Variants in ATG7 observed in about 807,000 individuals in gnomAD.
ATG7 encodes ubiquitin-like modifier-activating enzyme ATG7.
In ATG7, 70 loss-of-function variants were observed where a neutral mutation model predicts 82.4. The observed-to-expected ratio is 0.85, with a 90% CI of 0.70 to 1.04. The LOEUF (loss-of-function observed/expected upper bound fraction) is 1.04, where lower values mean the gene tolerates loss of function less well. ATG7 is among the 50% of genes least tolerant of loss of function. The probability of loss-of-function intolerance (pLI) is 0.00; values close to 1 mark genes in which losing one functional copy is unlikely to be tolerated. For synonymous variants in ATG7, 287 were observed against 313.0 expected, an observed-to-expected ratio of 0.92 and a Z score of 0.88; for missense variants, 792 against 864.3, an observed-to-expected ratio of 0.92 and a Z score of 1.05.
chr3:11,394,525 A>G (rs1344958715), intron 19 of ATG7, among the ~76,000 whole-genome samples: 1 of 152,166 alleles, frequency 6.6e-6, no homozygotes, highest in Non-Finnish European at 1.5e-5. Flanking sequence ...GGAAGTTGAG[A>G]GCGTGAGCCA....
At chr3:11,505,362 T>A (rs2091638853) in intron 20 of ATG7, among the ~76,000 whole-genome samples, 1 of 152,218 alleles carries the variant, frequency 6.6e-6, no homozygotes, top group Admixed American at 6.5e-5. Context: ...TAGGATATAG[T>A]CACACTTAAG....
chr3:11,519,725 A>G (rs1245440146), intron 20 of ATG7, among the ~76,000 whole-genome samples: 1 of 151,184 alleles, frequency 6.6e-6, no homozygotes, highest in East Asian at 1.9e-4. Context: ...GCGCCCGGCT[A>G]ATTTTTTTTG....
chr3:11,439,130 G>A (rs1457438089), intron 20 of ATG7, among the ~76,000 whole-genome samples: 5 of 141,236 alleles, frequency 3.5e-5, no homozygotes, highest in Admixed American at 2.2e-4. Flanking sequence ...ATGCAGTGGC[G>A]TGATCTTGGC....
chr3:11,402,444 T>C (rs941691681), intron 19 of ATG7, among the ~76,000 whole-genome samples: 1 of 151,424 alleles, frequency 6.6e-6, no homozygotes, highest in Non-Finnish European at 1.5e-5. Flanking sequence ...AAAAATAAAT[T>C]AAAAAAAGAA....
At chr3:11,411,120 G>A (rs771753539) in intron 19 of ATG7, among the ~76,000 whole-genome samples, 34 of 151,650 alleles carry the variant, frequency 2.2e-4, no homozygotes, top group East Asian at 3.9e-4. Context: ...TTTCTTTTTC[G>A]TTGTAAAATA....
intron 14 of ATG7, among the ~76,000 whole-genome samples, chr3:11,350,966 CG>C (rs1219962930): frequency 7.2e-6 from 1 of 137,952 alleles, no homozygotes; most frequent in African/African-American, 2.7e-5. Context: ...TCCAATCTAT[CG>C]TTGGAGAGTA....
In ATG7 at chr3:11,502,870, G is replaced by A. The variant is rs140177868; in HGVS notation, c.2080-51941G>A. ...CCCCCACCTTAGCTTTTGTGCAATA[G>A]GACAGACAACTGCCCTCTCTTATTC... On this transcript the variant is annotated intron_variant, in intron 20 of 20. Transcript: ENST00000693202. Among the ~76,000 whole-genome samples, 5 of 152,256 alleles carry A rather than the reference G, an allele frequency of 3.3e-5. No individual in the cohort carries two copies. The East Asian group carries it at 9.6e-4, about 29-fold the overall frequency.
chr3:11,527,766 C>A (rs1305066708), intron 20 of ATG7, among the ~76,000 whole-genome samples: 1 of 152,200 alleles, frequency 6.6e-6, no homozygotes, highest in Non-Finnish European at 1.5e-5. Context: ...GAGTAACACT[C>A]TTAGTTTTAA....
At chr3:11,304,287 G>A (rs1947349056) in intron 5 of ATG7, among the ~76,000 whole-genome samples, 1 of 152,178 alleles carries the variant, frequency 6.6e-6, no homozygotes, top group Admixed American at 6.5e-5. Flanking sequence ...GATCTGGGGT[G>A]TACTATTTGC....
At chr3:11,295,772 TTTTCTTTCTTTC>T (rs869163790) in intron 3 of ATG7, among the ~76,000 whole-genome samples, 4 of 39,198 alleles carry the variant, frequency 1.0e-4, no homozygotes, top group Non-Finnish European at 4.0e-4. Flanking sequence ...TCTTTCTTTC[TTTTCTTTCTTTC>T]TTTCTTTTTT....
intron 9 of ATG7, among the ~76,000 whole-genome samples, chr3:11,316,543 T>A (rs1344507964): frequency 6.6e-6 from 1 of 152,238 alleles, no homozygotes; most frequent in African/African-American, 2.4e-5. Context: ...CTGAAGTCAC[T>A]GCATTTATTC....
At chr3:11,541,121 C>T (rs946248772) in intron 20 of ATG7, among the ~76,000 whole-genome samples, 19 of 152,206 alleles carry the variant, frequency 1.2e-4, no homozygotes, top group Admixed American at 5.9e-4. Flanking sequence ...AGGATGGTCT[C>T]GATCTCCTGA....
At chr3:11,474,969 G>C (rs1428829826) in intron 20 of ATG7, among the ~76,000 whole-genome samples, 2 of 152,124 alleles carry the variant, frequency 1.3e-5, no homozygotes, top group African/African-American at 4.8e-5. Context: ...ACGGGCTCTT[G>C]CAGGCTGTGA....
intron 20 of ATG7, among the ~76,000 whole-genome samples, chr3:11,551,243 G>A (rs2125061705): frequency 6.6e-6 from 1 of 152,332 alleles, no homozygotes; most frequent in South Asian, 2.1e-4. Context: ...CTCGGCCCAT[G>A]GTGGGGGCTT....
the ATG7 span, chr3:11,564,984 G>A: frequency 6.5e-7 from 1 of 1,527,318 alleles, no homozygotes; most frequent in Non-Finnish European, 8.8e-7. Context: ...CCGCTCCCGG[G>A]GGTCTCTGCG....
At chr3:11,344,687 C>T (rs1003509573) in intron 13 of ATG7, among the ~76,000 whole-genome samples, 1 of 151,714 alleles carries the variant, frequency 6.6e-6, no homozygotes, top group Non-Finnish European at 1.5e-5. Context: ...CACAACGTGG[C>T]GAAACTCCAT....
At chr3:11,574,805 G>GTGTGTGTA in the ATG7 span, among the ~76,000 whole-genome samples, 2 of 148,708 alleles carry the variant, frequency 1.3e-5, no homozygotes, top group African/African-American at 2.5e-5. Flanking sequence ...GTGTGTGTGT[G>GTGTGTGTA]TGTGTGTGTG....
chr3:11,278,010 G>T (rs1432881609), intron 1 of ATG7, among the ~76,000 whole-genome samples: 3 of 150,208 alleles, frequency 2.0e-5, no homozygotes, highest in Non-Finnish European at 4.4e-5. Context: ...TAGGCTCTCT[G>T]CAAGAACAAA....
intron 20 of ATG7, among the ~76,000 whole-genome samples, chr3:11,526,453 A>G (rs943384302): frequency 1.3e-5 from 2 of 152,222 alleles, no homozygotes; most frequent in African/African-American, 4.8e-5. Flanking sequence ...AACTCTTACC[A>G]TAATAGAATT....
Sources: allele counts gnomAD v4.1 joint callset (sites outside exome capture counted in the v4.1 genomes callset), GRCh38; gene constraint gnomAD v4.1.1; transcripts MANE v1.5; gene names NCBI Gene and HGNC (gene_info 2026-07-23, HGNC 2026-07-21).